Variants in WDR72 observed in about 807,000 individuals in gnomAD.
The protein encoded by WDR72 is WD repeat domain 72.
In WDR72, 120 loss-of-function variants were observed where a neutral mutation model predicts 124.2. That is an observed-to-expected ratio of 0.97 (90% CI 0.83 to 1.12). The LOEUF (loss-of-function observed/expected upper bound fraction) is 1.12. Ranked by LOEUF, WDR72 falls within the 50% of genes most tolerant of loss-of-function variation. WDR72 has a pLI of 0.00. For missense variants in WDR72, 1,387 were observed against 1,278.8 expected, an observed-to-expected ratio of 1.08 and a Z score of -1.29; for synonymous variants, 452 against 441.7, an observed-to-expected ratio of 1.02 and a Z score of -0.29.
chr15:53,685,339 G>C (rs937177714), intron 13 of WDR72, among the ~76,000 whole-genome samples: 1 of 129,130 alleles, frequency 7.7e-6, no homozygotes, highest in African/African-American at 3.0e-5. Context: ...TGTATAACTA[G>C]AATAACCAAT....
chr15:53,637,984 A>G (rs1045313353), intron 14 of WDR72, among the ~76,000 whole-genome samples: 1 of 152,186 alleles, frequency 6.6e-6, no homozygotes, highest in Admixed American at 6.5e-5. Context: ...ATATTTTGCA[A>G]TTAGTAGTAC....
intron 13 of WDR72, among the ~76,000 whole-genome samples, chr15:53,666,796 T>C (rs1393900210): frequency 6.6e-6 from 1 of 152,156 alleles, no homozygotes; most frequent in Admixed American, 6.5e-5. Flanking sequence ...GTAGATACAT[T>C]TGAAGATTAT....
At chr15:53,680,244 G>A (rs1225623460) in intron 13 of WDR72, among the ~76,000 whole-genome samples, 1 of 152,090 alleles carries the variant, frequency 6.6e-6, no homozygotes, top group South Asian at 2.1e-4. Context: ...ATACAAGTAT[G>A]CTTAGTCATG....
At chr15:53,553,655 A>G (rs1047255002) in intron 18 of WDR72, among the ~76,000 whole-genome samples, 3 of 152,178 alleles carry the variant, frequency 2.0e-5, no homozygotes, top group Non-Finnish European at 4.4e-5. Context: ...TATTAACAGC[A>G]AGGTGATTTT....
At chr15:53,709,961 C>T (rs757711398) in intron 9 of WDR72, among the ~76,000 whole-genome samples, 113 of 152,106 alleles carry the variant, frequency 7.4e-4, no homozygotes, top group Non-Finnish European at 1.3e-3. Flanking sequence ...CATGAAATAA[C>T]GTTTATGGAT....
At chr15:53,616,652 A>G (rs2013779946) in intron 14 of WDR72, among the ~76,000 whole-genome samples, 1 of 151,976 alleles carries the variant, frequency 6.6e-6, no homozygotes, top group Non-Finnish European at 1.5e-5. Flanking sequence ...TTTAACAAAA[A>G]TGGTGCTTCC....
At chr15:53,552,329 T>C (rs1213771489) in intron 18 of WDR72, among the ~76,000 whole-genome samples, 1 of 152,176 alleles carries the variant, frequency 6.6e-6, no homozygotes, top group Non-Finnish European at 1.5e-5. Flanking sequence ...GTTTACTAGC[T>C]TGTCAAAATT....
At chr15:53,671,382 C>T (rs2015982556) in intron 13 of WDR72, among the ~76,000 whole-genome samples, 1 of 152,162 alleles carries the variant, frequency 6.6e-6, no homozygotes, top group South Asian at 2.1e-4. Flanking sequence ...TGTTTTCTAT[C>T]TCAGCTTCTT....
intron 14 of WDR72, among the ~76,000 whole-genome samples, chr15:53,637,266 G>C (rs2014659595): frequency 6.6e-6 from 1 of 152,070 alleles, no homozygotes; most frequent in Admixed American, 6.6e-5. Flanking sequence ...TTAACATTAG[G>C]ATCTGAGATC....
intron 13 of WDR72, among the ~76,000 whole-genome samples, chr15:53,674,997 G>T (rs777029180): frequency 9.9e-5 from 15 of 152,176 alleles, no homozygotes; most frequent in Admixed American, 2.0e-4. Flanking sequence ...GATGTGTAAA[G>T]ATAGCAAAGA....
intron 18 of WDR72, among the ~76,000 whole-genome samples, chr15:53,534,603 T>G (rs1020601406): frequency 5.3e-5 from 8 of 152,128 alleles, no homozygotes; most frequent in African/African-American, 1.4e-4. Flanking sequence ...TTTAAAGCAT[T>G]TGGTTTGATC....
intron 17 of WDR72, among the ~76,000 whole-genome samples, chr15:53,604,380 G>A (rs79189520): frequency 2.0e-5 from 3 of 152,096 alleles, no homozygotes; most frequent in African/African-American, 7.2e-5. Flanking sequence ...TAAAAACCCT[G>A]GAAGATAACC....
intron 14 of WDR72, among the ~76,000 whole-genome samples, chr15:53,629,793 A>T (rs959437673): frequency 3.9e-5 from 6 of 152,114 alleles, no homozygotes; most frequent in Non-Finnish European, 8.8e-5. Flanking sequence ...GCAGTTTGGC[A>T]ATCATGGTAG....
chr15:53,680,601 T>C (rs8029966), intron 13 of WDR72, among the ~76,000 whole-genome samples: 11,498 of 152,256 alleles, frequency 0.076, 1,112 homozygotes, highest in African/African-American at 0.22. Flanking sequence ...TTGTTTTTAT[T>C]AAATCTTCTT....
At chr15:53,623,105 A>G (rs954241140) in intron 14 of WDR72, among the ~76,000 whole-genome samples, 1 of 152,214 alleles carries the variant, frequency 6.6e-6, no homozygotes. Context: ...ATTGTATACT[A>G]TACGGGTTTT....
At chr15:53,517,834 G>A (rs1400370370) in intron 19 of WDR72, 80 bp from the exon 20 acceptor site, 46 of 1,349,630 alleles carry the variant, frequency 3.4e-5, no homozygotes, top group South Asian at 2.5e-4. Flanking sequence ...GGAGGGGAGG[G>A]AGAGAGGAAA....
intron 18 of WDR72, among the ~76,000 whole-genome samples, chr15:53,529,164 A>ATATATATATTTTT (rs59003623): frequency 1.3e-5 from 1 of 78,168 alleles, no homozygotes; most frequent in African/African-American, 5.0e-5. Context: ...ATATATATAT[A>ATATATATATTTTT]TTTTTTTTTT....
chr15:53,582,610 A>C (rs1053920071), intron 18 of WDR72, among the ~76,000 whole-genome samples: 1 of 151,966 alleles, frequency 6.6e-6, no homozygotes. Flanking sequence ...TCAAAAACCC[A>C]CTTTAATTGA....
At chr15:53,553,398 G>A (rs1197772292) in intron 18 of WDR72, among the ~76,000 whole-genome samples, 1 of 152,112 alleles carries the variant, frequency 6.6e-6, no homozygotes, top group Non-Finnish European at 1.5e-5. Context: ...GTGCTGCAGT[G>A]TTTTCGTGTT....
Sources: gnomAD v4.1 joint callset for allele counts (sites outside exome capture counted in the v4.1 genomes callset) on GRCh38, gnomAD v4.1.1 for gene constraint, MANE v1.5 for transcripts, NCBI Gene and HGNC (gene_info 2026-07-23, HGNC 2026-07-21) for gene names.